HNF4G: variants seen among roughly 807,000 people sequenced by gnomAD.
The protein encoded by HNF4G is hepatocyte nuclear factor 4-gamma.
A neutral mutation model predicts 50.9 loss-of-function variants in HNF4G; 21 were observed. That is an observed-to-expected ratio of 0.41 (90% CI 0.29 to 0.59). The LOEUF (loss-of-function observed/expected upper bound fraction) is 0.59, where lower values mean the gene tolerates loss of function less well. Among genes scored for constraint, HNF4G ranks in the 20% least tolerant of loss-of-function variants. HNF4G has a pLI of 0.26. For synonymous variants in HNF4G, 198 were observed against 185.6 expected (o/e 1.07, Z -0.54); for missense variants, 527 against 559.4 (o/e 0.94, Z 0.58).
At chr8:75,547,231 G>A (rs1806806570) in intron 2 of HNF4G, among the ~76,000 whole-genome samples, 1 of 152,160 alleles carries the variant, frequency 6.6e-6, no homozygotes, top group Non-Finnish European at 1.5e-5. Context: ...ATGAAGTTCT[G>A]ACAATAGCCT....
chr8:75,511,749 C>A (rs1284625138), intron 2 of HNF4G, among the ~76,000 whole-genome samples: 2 of 152,182 alleles, frequency 1.3e-5, no homozygotes, highest in Non-Finnish European at 2.9e-5. Flanking sequence ...TGTCACTGCG[C>A]CCGGCTAATT....
intron 2 of HNF4G, among the ~76,000 whole-genome samples, chr8:75,516,992 C>G (rs1805904100): frequency 6.6e-6 from 1 of 152,048 alleles, no homozygotes; most frequent in Admixed American, 6.5e-5. Context: ...TCCACATGGC[C>G]AGGGAGACCT....
Position 75,435,285 on chromosome 8 carries a change from G to A in HNF4G, c.-144+27123G>A, listed in dbSNP as rs947461580. ...ACTAATGTATTCACCAAATTTATAGGTTAAAAGTAAAATCTATTTCAGTCA... is the reference window on the plus strand; with the variant it reads ...ACTAATGTATTCACCAAATTTATAGATTAAAAGTAAAATCTATTTCAGTCA... On this transcript the variant is annotated intron_variant, in intron 1 of 10. Coordinates refer to the HNF4G transcript ENST00000354370. 4.6e-5 allele frequency among the ~76,000 whole-genome samples: 7 copies of A among 152,176 alleles called. No homozygotes were observed. The South Asian group carries it at 1.0e-3, about 23-fold the overall frequency.
intron 2 of HNF4G, among the ~76,000 whole-genome samples, chr8:75,546,028 C>T (rs1806768619): frequency 2.0e-5 from 3 of 152,128 alleles, no homozygotes; most frequent in Admixed American, 2.0e-4. Context: ...GGCTTTGCTT[C>T]TCATTCAATT....
At chr8:75,461,878 A>AT (rs1210318419) in intron 1 of HNF4G, among the ~76,000 whole-genome samples, 2 of 87,796 alleles carry the variant, frequency 2.3e-5, no homozygotes, top group Admixed American at 2.0e-4. Context: ...CTCTTTAAAA[A>AT]AAAATAAATA....
At chr8:75,488,188 C>T (rs972301594) in intron 1 of HNF4G, among the ~76,000 whole-genome samples, 40 of 152,172 alleles carry the variant, frequency 2.6e-4, no homozygotes, top group African/African-American at 9.6e-4. Context: ...ACTCCAGAAA[C>T]AAGGGCCACT....
At chr8:75,515,353 C>T (rs1484184164) in intron 2 of HNF4G, among the ~76,000 whole-genome samples, 3 of 152,104 alleles carry the variant, frequency 2.0e-5, no homozygotes, top group African/African-American at 7.2e-5. Context: ...AATCTAAGCA[C>T]TTTGAATTAG....
chr8:75,483,257 T>TA (rs1812421844), intron 1 of HNF4G, among the ~76,000 whole-genome samples: 1 of 151,918 alleles, frequency 6.6e-6, no homozygotes, highest in Non-Finnish European at 1.5e-5. Context: ...TCACTTAATT[T>TA]TTTTTTTAAA....
At chr8:75,453,639 A>G (rs1191030704) in intron 1 of HNF4G, among the ~76,000 whole-genome samples, 1 of 152,002 alleles carries the variant, frequency 6.6e-6, no homozygotes, top group Non-Finnish European at 1.5e-5. Context: ...TAAGAGCTGT[A>G]ACACTCACTG....
At chr8:75,495,462 C>T (rs568500994) in intron 2 of HNF4G, 1 of 152,046 alleles carries the variant, frequency 6.6e-6, no homozygotes, top group African/African-American at 2.4e-5. Flanking sequence ...ATTGTCTCTG[C>T]CTGAGCATTC....
chr8:75,410,850 G>T (rs1018125639), intron 1 of HNF4G, among the ~76,000 whole-genome samples: 6 of 152,088 alleles, frequency 3.9e-5, no homozygotes, highest in African/African-American at 1.4e-4. Context: ...TGTCAGTCCT[G>T]ACACTCATAT....
At chr8:75,553,344 C>G (rs1807023545) in intron 5 of HNF4G, 147 bp downstream of exon 5, 1 of 648,408 alleles carries the variant, frequency 1.5e-6, no homozygotes, top group African/African-American at 1.9e-5. Flanking sequence ...GTTTCCTTAC[C>G]CATTCACCTT....
intron 1 of HNF4G, among the ~76,000 whole-genome samples, chr8:75,481,283 A>C (rs1160442065): frequency 6.6e-6 from 1 of 152,192 alleles, no homozygotes; most frequent in Non-Finnish European, 1.5e-5. Flanking sequence ...TACTTGAGTC[A>C]GACACAGGAG....
chr8:75,497,590 AG>A (rs1812806096), intron 2 of HNF4G, among the ~76,000 whole-genome samples: 1 of 151,932 alleles, frequency 6.6e-6, no homozygotes, highest in South Asian at 2.1e-4. Context: ...AGGCTGAGGC[AG>A]GAGAATTGCT....
intron 1 of HNF4G, among the ~76,000 whole-genome samples, chr8:75,476,867 G>A (rs1812253356): frequency 6.6e-6 from 1 of 152,160 alleles, no homozygotes; most frequent in Non-Finnish European, 1.5e-5. Flanking sequence ...AGCTCCAGCT[G>A]TATAGAAGGA....
At chr8:75,454,047 C>G (rs1260356418) in intron 1 of HNF4G, among the ~76,000 whole-genome samples, 1 of 151,002 alleles carries the variant, frequency 6.6e-6, no homozygotes, top group Middle Eastern at 3.4e-3. Context: ...CTCTCTCTCT[C>G]TCTCTCCCTC....
intron 1 of HNF4G, among the ~76,000 whole-genome samples, chr8:75,420,786 G>T (rs865928009): frequency 4.6e-5 from 7 of 152,192 alleles, no homozygotes; most frequent in South Asian, 2.1e-4. Context: ...GTCACAGAAG[G>T]CCAGGCAGCA....
intron 1 of HNF4G, among the ~76,000 whole-genome samples, chr8:75,485,421 T>A (rs1812477122): frequency 6.6e-6 from 1 of 152,192 alleles, no homozygotes; most frequent in Non-Finnish European, 1.5e-5. Context: ...AAAATCAATG[T>A]CATAAATATA....
intron 1 of HNF4G, among the ~76,000 whole-genome samples, chr8:75,435,821 T>C (rs1353041139): frequency 6.6e-6 from 1 of 152,198 alleles, no homozygotes; most frequent in African/African-American, 2.4e-5. Context: ...CTCGAGCTCC[T>C]GACCTCAGGT....
Sources: allele counts gnomAD v4.1 joint callset (sites outside exome capture counted in the v4.1 genomes callset), GRCh38; gene constraint gnomAD v4.1.1; transcripts MANE v1.5; gene names NCBI Gene and HGNC (gene_info 2026-07-23, HGNC 2026-07-21).